Variants in RNF125 observed in about 807,000 individuals in gnomAD.
RNF125 encodes ring finger protein 125.
RNF125 carries 21 observed loss-of-function variants against 26.0 expected under a neutral mutation model. That is an observed-to-expected ratio of 0.81 (90% CI 0.57 to 1.16). RNF125 has a LOEUF of 1.16. Among genes scored for constraint, RNF125 ranks in the 50% most tolerant of loss-of-function variants. The pLI is 0.00. For synonymous variants in RNF125, 95 were observed against 109.2 expected (o/e 0.87, Z 0.81); for missense variants, 270 against 299.4 (o/e 0.90, Z 0.72).
chr18:32,042,559 A>G (rs2039231622), intron 3 of RNF125, among the ~76,000 whole-genome samples: 1 of 152,162 alleles, frequency 6.6e-6, no homozygotes, highest in African/African-American at 2.4e-5. Flanking sequence ...TAGAATGCAG[A>G]ACTGTTACAT....
At chr18:32,076,846 T>C (rs1244139779), downstream of RNF125, among the ~76,000 whole-genome samples, 1 of 152,176 alleles carries the variant, frequency 6.6e-6, no homozygotes, top group Non-Finnish European at 1.5e-5. Flanking sequence ...TTGACATGAC[T>C]GCCTTCTAAA....
At chr18:32,044,163 T>C (rs1302105676) in intron 3 of RNF125, among the ~76,000 whole-genome samples, 2 of 152,020 alleles carry the variant, frequency 1.3e-5, no homozygotes, top group African/African-American at 4.8e-5. Context: ...TGTGCCACCA[T>C]GCCTAGCTAA....
At chr18:32,090,459 CAA>C in the RNF125 span, among the ~76,000 whole-genome samples, 1 of 151,966 alleles carries the variant, frequency 6.6e-6, no homozygotes, top group Non-Finnish European at 1.5e-5. Flanking sequence ...GGAAAAGCAA[CAA>C]AAATACAAAA....
intron 1 of RNF125, among the ~76,000 whole-genome samples, chr18:32,020,271 C>A (rs1598804850): frequency 6.6e-6 from 1 of 151,948 alleles, no homozygotes; most frequent in African/African-American, 2.4e-5. Context: ...TGGTCTTGAA[C>A]TCCTGACCTC....
At chr18:32,085,375 G>C in the RNF125 span, among the ~76,000 whole-genome samples, 25 of 9,120 alleles carry the variant, frequency 2.7e-3, no homozygotes, top group African/African-American at 4.7e-3. Flanking sequence ...GCCAGAAGCA[G>C]AGAGAGAGAG....
At chr18:32,038,411 A>T (rs1365562394) in intron 2 of RNF125, among the ~76,000 whole-genome samples, 1 of 152,100 alleles carries the variant, frequency 6.6e-6, no homozygotes, top group East Asian at 1.9e-4. Context: ...CATCACCCGT[A>T]ATTTGTCAAA....
downstream of RNF125, among the ~76,000 whole-genome samples, chr18:32,077,524 G>A (rs2039578439): frequency 6.6e-6 from 1 of 151,590 alleles, no homozygotes; most frequent in Non-Finnish European, 1.5e-5. Flanking sequence ...ACTACGCTCA[G>A]CTAATTTTTG....
intron 4 of RNF125, among the ~76,000 whole-genome samples, chr18:32,065,637 A>G (rs537106109): frequency 3.6e-4 from 54 of 152,046 alleles, no homozygotes; most frequent in African/African-American, 1.3e-3. Context: ...GGTTCAAGCA[A>G]TTCTCCTGCC....
Position 32,042,176 on chromosome 18 carries a change from TAG to T in RNF125, c.319-2_319-1del. 1 of 1,608,244 alleles carries T rather than the reference TAG, an allele frequency of 6.2e-7. No individual in the cohort carries two copies. Among genetic ancestry groups the T allele is most frequent in the African/African-American group, 1.3e-5 (1 of 74,846 alleles). On this transcript the variant is annotated splice_acceptor_variant, in intron 2 of 5. Coordinates refer to ENST00000217740, the MANE Select transcript of RNF125 (RefSeq NM_017831.4). LOFTEE classifies it high-confidence loss of function. Reference sequence around the variant, plus strand: ...AGTTTATTTTGAATTTGTTTTTATGTAGGTTTGCCTCAGTGAAATGAGGGCAC... The same window carrying T: ...AGTTTATTTTGAATTTGTTTTTATGTGTTTGCCTCAGTGAAATGAGGGCAC...
At chr18:32,050,792 T>TGTATTTTATTCTGTAAAGGGAAG (rs2039316245) in intron 4 of RNF125, among the ~76,000 whole-genome samples, 1 of 149,166 alleles carries the variant, frequency 6.7e-6, no homozygotes. Context: ...TTGAGAGAAA[T>TGTATTTTATTCTGTAAAGGGAAG]GTATTTTATT....
the RNF125 span, among the ~76,000 whole-genome samples, chr18:32,090,450 GA>G: frequency 6.6e-6 from 1 of 152,222 alleles, no homozygotes; most frequent in East Asian, 1.9e-4. Context: ...TGCTAAGGAG[GA>G]AAAGCAACAA....
chr18:32,034,744 C>T (rs779507013), intron 1 of RNF125, among the ~76,000 whole-genome samples: 3 of 151,226 alleles, frequency 2.0e-5, no homozygotes, highest in South Asian at 2.1e-4. Context: ...GAAACACAGT[C>T]GCTACTAGAA....
At position 32,064,274 on chromosome 18, in the gene RNF125, G is replaced by A. The variant is rs201383330; in HGVS notation, c.505-1628G>A. Among the ~76,000 whole-genome samples the A allele has an allele frequency of 4.6e-5, 7 of 151,818 alleles. No homozygotes were observed. The East Asian group carries it at 1.2e-3, about 25-fold the overall frequency. On this transcript the variant is annotated intron_variant, in intron 4 of 5. Coordinates refer to ENST00000217740, the MANE Select transcript of RNF125 (RefSeq NM_017831.4). ...TGCTGGGATGACAGGCATGAGCCAC[G>A]GCGCCCAGGGATTACACTTCAACAT...
At chr18:32,064,344 C>CA (rs947349969) in intron 4 of RNF125, among the ~76,000 whole-genome samples, 61 of 150,908 alleles carry the variant, frequency 4.0e-4, no homozygotes, top group African/African-American at 1.5e-3. Flanking sequence ...CTCACACACA[C>CA]ACACTGAAAA....
intron 4 of RNF125, among the ~76,000 whole-genome samples, chr18:32,050,735 CT>C (rs1402776776): frequency 6.6e-5 from 10 of 152,034 alleles, no homozygotes; most frequent in East Asian, 3.9e-4. Context: ...TATGAGACCA[CT>C]TTTTTTCTTT....
At position 32,071,460 on chromosome 18, in the gene RNF125, TCTGA is replaced by T. The variant is rs1030614634; in HGVS notation, c.*3080_*3083del. ...TTGCCCCCAGTTTTTATTTGATGGC[TCTGA>T]CTGTTTCTCATATCTGACTCTTTAA... On this transcript the variant is annotated 3_prime_UTR_variant, in exon 6 of 6. Transcript: ENST00000217740. 3 of 152,222 alleles carry T rather than the reference TCTGA, an allele frequency of 2.0e-5. No individual in the cohort carries two copies. The highest frequency in any genetic ancestry group is 7.2e-5 in the African/African-American group (3 of 41,460). 9.4% of individuals were successfully genotyped at this position (152,222 alleles called of 1,614,324 possible).
intron 1 of RNF125, among the ~76,000 whole-genome samples, chr18:32,020,999 C>T (rs2038981066): frequency 1.3e-5 from 2 of 152,242 alleles, no homozygotes; most frequent in African/African-American, 4.8e-5. Flanking sequence ...GTTTTCACTA[C>T]TGCCCGTCTG....
At chr18:32,029,463 A>G (rs2039070919) in intron 1 of RNF125, among the ~76,000 whole-genome samples, 1 of 101,034 alleles carries the variant, frequency 9.9e-6, no homozygotes, top group East Asian at 4.0e-4. Flanking sequence ...GTCTGTACAG[A>G]AAAAAAAAAA....
intron 4 of RNF125, among the ~76,000 whole-genome samples, chr18:32,049,799 A>T (rs1180443545): frequency 2.8e-4 from 42 of 152,188 alleles, no homozygotes; most frequent in Admixed American, 2.8e-3. Context: ...GCAGAAGCTC[A>T]GGAGCATGTC....
Sources: gnomAD v4.1 joint callset for allele counts (sites outside exome capture counted in the v4.1 genomes callset) on GRCh38, gnomAD v4.1.1 for gene constraint, MANE v1.5 for transcripts, NCBI Gene and HGNC (gene_info 2026-07-23, HGNC 2026-07-21) for gene names.